Variants in RORA observed in about 807,000 individuals in gnomAD.
The protein encoded by RORA is RAR related orphan receptor A, also known as nuclear receptor ROR-alpha.
Under a neutral mutation model 69.5 loss-of-function variants are expected in RORA, and 7 were observed. That is an observed-to-expected ratio of 0.10 (90% CI 0.06 to 0.19). RORA has a LOEUF of 0.19. RORA is among the 10% of genes least tolerant of loss of function. RORA has a pLI of 1.00. For synonymous variants in RORA, 261 were observed against 240.8 expected (o/e 1.08, Z -0.78); for missense variants, 457 against 663.0 (o/e 0.69, Z 3.41).
chr15:60,988,790 T>A (rs1284586870), intron 1 of RORA, among the ~76,000 whole-genome samples: 1 of 152,208 alleles, frequency 6.6e-6, no homozygotes, highest in Admixed American at 6.5e-5. Flanking sequence ...GACCTAGATT[T>A]ATCTACTCCA....
intron 2 of RORA, among the ~76,000 whole-genome samples, chr15:60,624,083 A>C (rs1332529044): frequency 6.6e-6 from 1 of 152,150 alleles, no homozygotes; most frequent in African/African-American, 2.4e-5. Flanking sequence ...AATACTCTAT[A>C]GGACAATTAC....
At chr15:61,124,805 G>T (rs541546637) in intron 1 of RORA, among the ~76,000 whole-genome samples, 65 of 152,198 alleles carry the variant, frequency 4.3e-4, no homozygotes, top group African/African-American at 1.5e-3. Context: ...TTCTCCATCT[G>T]ATAAGAAGAT....
At position 60,503,680 on chromosome 15, in the gene RORA, G is replaced by A. The variant is rs1040269903; in HGVS notation, c.943-13C>T. 1.9e-6 allele frequency: 3 copies of A among 1,612,772 alleles called. No homozygotes were observed. The African/African-American group carries it at 4.0e-5, about 22-fold the overall frequency. On this transcript the variant is annotated splice_polypyrimidine_tract_variant and intron_variant, in intron 6 of 10. Coordinates refer to ENST00000335670, the MANE Select transcript of RORA (RefSeq NM_134261.3). ...TCACCTCCCGCTGCTGTTAAAGAGG[G>A]AAACACATTAACATCCTCCAGGAAG...
intron 2 of RORA, among the ~76,000 whole-genome samples, chr15:60,645,335 C>G (rs1285510801): frequency 6.7e-6 from 1 of 150,362 alleles, no homozygotes; most frequent in Non-Finnish European, 1.5e-5. Flanking sequence ...GATGAAAGGG[C>G]ATGTGGCAAA....
intron 1 of RORA, among the ~76,000 whole-genome samples, chr15:60,784,325 G>A (rs920425174): frequency 6.6e-6 from 1 of 152,176 alleles, no homozygotes; most frequent in African/African-American, 2.4e-5. Flanking sequence ...AAATCATACT[G>A]CTTCATTAAG....
chr15:60,960,539 G>C (rs1893387505), intron 1 of RORA, among the ~76,000 whole-genome samples: 1 of 152,172 alleles, frequency 6.6e-6, no homozygotes, highest in African/African-American at 2.4e-5. Flanking sequence ...TCTACTGAAT[G>C]GGGCAGCGAC....
At chr15:60,779,941 T>C (rs1325113230) in intron 1 of RORA, among the ~76,000 whole-genome samples, 1 of 152,180 alleles carries the variant, frequency 6.6e-6, no homozygotes, top group African/African-American at 2.4e-5. Flanking sequence ...CAGAAACACA[T>C]TTCCTCATTT....
intron 1 of RORA, among the ~76,000 whole-genome samples, chr15:61,006,888 T>C (rs1294036444): frequency 6.6e-6 from 1 of 152,142 alleles, no homozygotes; most frequent in Non-Finnish European, 1.5e-5. Flanking sequence ...TGTATCCTCT[T>C]GAAGTGTCAC....
At chr15:60,723,952 T>C (rs1276169716) in intron 1 of RORA, among the ~76,000 whole-genome samples, 1 of 152,218 alleles carries the variant, frequency 6.6e-6, no homozygotes, top group African/African-American at 2.4e-5. Context: ...CCCTTGACCT[T>C]ATCTTAGAGA....
chr15:61,221,278 T>G (rs960866847), intron 1 of RORA, among the ~76,000 whole-genome samples: 1 of 152,254 alleles, frequency 6.6e-6, no homozygotes, highest in African/African-American at 2.4e-5. Flanking sequence ...TGGCTACAAC[T>G]AATTCCCTTC....
At chr15:60,544,404 A>T (rs1488773480) in intron 2 of RORA, among the ~76,000 whole-genome samples, 2 of 111,874 alleles carry the variant, frequency 1.8e-5, no homozygotes, top group Non-Finnish European at 4.2e-5. Context: ...GTTCTCTTCG[A>T]GATCCAGAAT....
At chr15:60,713,085 G>A (rs1473841504) in intron 1 of RORA, among the ~76,000 whole-genome samples, 2 of 152,016 alleles carry the variant, frequency 1.3e-5, no homozygotes, top group Admixed American at 1.3e-4. Context: ...GGGCTTCCCT[G>A]GCAATAAAAG....
chr15:60,558,540 T>C, intron 2 of RORA: 6 of 420,312 alleles, frequency 1.4e-5, no homozygotes, highest in South Asian at 4.2e-5. Context: ...TGATGTTTCT[T>C]TGAATTTTAA....
chr15:60,819,759 A>ACACACACACACACACACACGCG (rs1555455749), intron 1 of RORA, among the ~76,000 whole-genome samples: 5 of 132,798 alleles, frequency 3.8e-5, no homozygotes, highest in African/African-American at 1.4e-4. Flanking sequence ...ACACACACAC[A>ACACACACACACACACACACGCG]CACACACACA....
intron 1 of RORA, among the ~76,000 whole-genome samples, chr15:60,907,953 G>A (rs988655372): frequency 6.6e-6 from 1 of 152,182 alleles, no homozygotes; most frequent in Non-Finnish European, 1.5e-5. Flanking sequence ...TCTCTAATGG[G>A]ACTCCCTTGA....
At chr15:60,938,699 G>A (rs1286309020) in intron 1 of RORA, among the ~76,000 whole-genome samples, 1 of 151,992 alleles carries the variant, frequency 6.6e-6, no homozygotes, top group African/African-American at 2.4e-5. Flanking sequence ...CCAGGAGTCT[G>A]ACACCAGCCT....
chr15:60,842,904 T>C (rs1156786915), intron 1 of RORA, among the ~76,000 whole-genome samples: 1 of 152,232 alleles, frequency 6.6e-6, no homozygotes, highest in Admixed American at 6.5e-5. Flanking sequence ...CCGCCACATC[T>C]GCTGAGTGAG....
In RORA at chr15:60,533,729, C is replaced by T. The variant is rs1245945385; in HGVS notation, c.197-1878G>A. On this transcript the variant is annotated intron_variant, in intron 2 of 10. Transcript: ENST00000335670. ...TGAGTAGGCTAGAATGAGAACCAGC[C>T]TCCTTACCCTGATTCCTAGGAATGT... 2.6e-5 allele frequency among the ~76,000 whole-genome samples: 4 copies of T among 152,194 alleles called. No homozygotes were observed. In the East Asian group the frequency reaches 5.8e-4, roughly 22 times the overall value.
intron 1 of RORA, among the ~76,000 whole-genome samples, chr15:60,888,382 G>T (rs1399326648): frequency 1.3e-5 from 2 of 152,226 alleles, no homozygotes; most frequent in African/African-American, 4.8e-5. Flanking sequence ...CGTTCTTTCA[G>T]TGTGGTGAAA....
Sources: gnomAD v4.1 joint callset for allele counts (sites outside exome capture counted in the v4.1 genomes callset) on GRCh38, gnomAD v4.1.1 for gene constraint, MANE v1.5 for transcripts, NCBI Gene and HGNC (gene_info 2026-07-23, HGNC 2026-07-21) for gene names.